Variants in PCDHA5 observed in about 807,000 individuals in gnomAD.
The protein encoded by PCDHA5 is protocadherin alpha 5.
A neutral mutation model predicts 61.6 loss-of-function variants in PCDHA5; 43 were observed. The ratio of observed to expected loss-of-function variants is 0.70; its 90% CI spans 0.55 to 0.90. PCDHA5 has a LOEUF of 0.90. PCDHA5 is among the 40% of genes least tolerant of loss of function. The pLI is 0.00. For missense variants in PCDHA5, 1,298 were observed against 1,222.7 expected, an observed-to-expected ratio of 1.06 and a Z score of -0.92; for synonymous variants, 627 against 543.9, an observed-to-expected ratio of 1.15 and a Z score of -2.13.
intron 1 of PCDHA5, chr5:140,966,878 G>A (rs2096064555): frequency 6.3e-7 from 1 of 1,587,174 alleles, no homozygotes; most frequent in African/African-American, 1.3e-5. Flanking sequence ...GCTGCTACCT[G>A]GCCCTGCGGC....
At chr5:140,859,421 T>A in intron 1 of PCDHA5, 1 of 232,516 alleles carries the variant, frequency 4.3e-6, no homozygotes, top group Non-Finnish European at 8.1e-6. Flanking sequence ...TGATATAGAC[T>A]CAGAAATGAA....
At chr5:141,002,449 C>G (rs2098081029) in intron 3 of PCDHA5, among the ~76,000 whole-genome samples, 1 of 152,192 alleles carries the variant, frequency 6.6e-6, no homozygotes, top group African/African-American at 2.4e-5. Flanking sequence ...ATAATTGGCA[C>G]ATTTGTATAA....
chr5:140,830,013 A>G lies in PCDHA5; in HGVS notation c.2352+5886A>G, dbSNP rs2150179527. 6 of 1,613,450 alleles carry G rather than the reference A, an allele frequency of 3.7e-6. No individual in the cohort carries two copies. The East Asian group carries it at 1.1e-4, about 30-fold the overall frequency. Reference sequence around the variant, plus strand: ...ACCACTCGTGTCCTGGACGAAGCGGACTCTCCGCGCCACCGGCTGCTGGTG... The same window carrying G: ...ACCACTCGTGTCCTGGACGAAGCGGGCTCTCCGCGCCACCGGCTGCTGGTG... On this transcript the variant is annotated intron_variant, in intron 1 of 3. Coordinates refer to ENST00000529859, the MANE Select transcript of PCDHA5 (RefSeq NM_018908.3).
At chr5:140,969,178 C>G (rs2096303822) in intron 1 of PCDHA5, 1 of 1,613,978 alleles carries the variant, frequency 6.2e-7, no homozygotes, top group South Asian at 1.1e-5. Flanking sequence ...CAGGGAGTGA[C>G]ACTTTCATGT....
At chr5:141,003,982 G>A (rs914206731) in intron 3 of PCDHA5, among the ~76,000 whole-genome samples, 25 of 152,152 alleles carry the variant, frequency 1.6e-4, no homozygotes, top group African/African-American at 5.6e-4. Flanking sequence ...GGGACTTGCC[G>A]GAGATCCTAG....
At chr5:140,979,178 G>C (rs782006168) in intron 2 of PCDHA5, 171 bp downstream of exon 2, 32 of 944,022 alleles carry the variant, frequency 3.4e-5, no homozygotes, top group Non-Finnish European at 4.0e-5. Flanking sequence ...GATCGCAAAT[G>C]GTCAGTGCCA....
At chr5:140,968,166 C>G (rs782037307) in intron 1 of PCDHA5, 1 of 1,614,004 alleles carries the variant, frequency 6.2e-7, no homozygotes, top group Non-Finnish European at 8.5e-7. Flanking sequence ...GACAATCCAC[C>G]AAGCTTCCTG....
intron 1 of PCDHA5, chr5:140,968,960 T>C (rs1563384845): frequency 6.2e-7 from 1 of 1,614,212 alleles, no homozygotes; most frequent in South Asian, 1.1e-5. Context: ...CATCAAGTGC[T>C]ACCGCTACAC....
In PCDHA5 at chr5:140,823,797, G is replaced by A; in HGVS notation, c.2022G>A (p.Ala674=). 6.2e-7 allele frequency: 1 copy of A among 1,613,836 alleles called. No individual in the cohort carries two copies. The highest frequency in any genetic ancestry group is 8.5e-7 in the Non-Finnish European group (1 of 1,179,926). ...TGTCGCTGGTGGAAAGTGGCCAGGC[G>A]CCGAAGGCCTCATCGCGGGCGTCGG... ...VLVSLVESGQ[A]PKASSRASAG... Residue 674 remains alanine, a synonymous_variant, in exon 1 of 4, where the codon GCG becomes GCA. Transcript: ENST00000529859.
intron 1 of PCDHA5, chr5:140,927,440 C>T (rs782460713): frequency 3.7e-6 from 6 of 1,614,050 alleles, no homozygotes; most frequent in Admixed American, 3.3e-5. Context: ...AGCGAATACC[C>T]GGAGTTGGTG....
chr5:140,919,915 A>G (rs1306747919), intron 1 of PCDHA5, among the ~76,000 whole-genome samples: 1 of 152,202 alleles, frequency 6.6e-6, no homozygotes, highest in Non-Finnish European at 1.5e-5. Context: ...AAATTACCCT[A>G]AATTTTCAGG....
At chr5:140,984,942 A>C (rs1263555467) in intron 3 of PCDHA5, among the ~76,000 whole-genome samples, 1 of 151,954 alleles carries the variant, frequency 6.6e-6, no homozygotes, top group Admixed American at 6.6e-5. Context: ...ATAAATGTCT[A>C]ATCTTTTTTT....
At chr5:140,984,643 C>G (rs1300632981) in intron 3 of PCDHA5, among the ~76,000 whole-genome samples, 3 of 152,152 alleles carry the variant, frequency 2.0e-5, no homozygotes, top group Non-Finnish European at 4.4e-5. Context: ...TCTGCCTTCT[C>G]CCTGTCCTTC....
At chr5:140,993,831 T>C (rs2097584101) in intron 3 of PCDHA5, among the ~76,000 whole-genome samples, 1 of 152,190 alleles carries the variant, frequency 6.6e-6, no homozygotes, top group South Asian at 2.1e-4. Flanking sequence ...CTATACCATA[T>C]AGCCTAGGTA....
At chr5:140,913,144 A>T (rs1473490766) in intron 1 of PCDHA5, among the ~76,000 whole-genome samples, 4 of 152,180 alleles carry the variant, frequency 2.6e-5, no homozygotes, top group Non-Finnish European at 5.9e-5. Context: ...TTTTTGGAAT[A>T]GTTTGAGTAG....
chr5:140,886,844 A>G (rs11748231), intron 1 of PCDHA5, among the ~76,000 whole-genome samples: 22,325 of 150,652 alleles, frequency 0.15, 1,711 homozygotes, highest in Middle Eastern at 0.2. Context: ...AAAAAAAAAA[A>G]AAAGAAAGGT....
At chr5:140,925,641 T>TATAATA (rs10569930) in intron 1 of PCDHA5, among the ~76,000 whole-genome samples, 37,208 of 143,074 alleles carry the variant, frequency 0.26, 4,933 homozygotes, top group Middle Eastern at 0.29. Context: ...GAACTTAAAG[T>TATAATA]ATAATAATAA....
intron 1 of PCDHA5, among the ~76,000 whole-genome samples, chr5:140,950,457 A>C (rs1392302571): frequency 6.6e-6 from 1 of 152,048 alleles, no homozygotes; most frequent in Non-Finnish European, 1.5e-5. Flanking sequence ...ACTGTCTTCT[A>C]ATGCTCATAG....
chr5:140,997,132 C>A (rs1189394609), intron 3 of PCDHA5, among the ~76,000 whole-genome samples: 1 of 152,076 alleles, frequency 6.6e-6, no homozygotes, highest in Non-Finnish European at 1.5e-5. Flanking sequence ...CACAATGCCC[C>A]CACACCCCCG....
Sources: allele counts gnomAD v4.1 joint callset (sites outside exome capture counted in the v4.1 genomes callset), GRCh38; gene constraint gnomAD v4.1.1; transcripts MANE v1.5; gene names NCBI Gene and HGNC (gene_info 2026-07-23, HGNC 2026-07-21).